The following XPR1 variants were observed in gnomAD, a reference collection of about 807,000 sequenced individuals.
XPR1 encodes solute carrier family 53 member 1.
XPR1 carries 28 observed loss-of-function variants against 87.5 expected under a neutral mutation model. The observed-to-expected ratio is 0.32, with a 90% CI of 0.24 to 0.44. XPR1 has a LOEUF of 0.44. Among genes scored for constraint, XPR1 ranks in the 20% least tolerant of loss-of-function variants. The pLI is 1.00. For synonymous variants in XPR1, 300 were observed against 306.1 expected, an observed-to-expected ratio of 0.98 and a Z score of 0.21; for missense variants, 559 against 862.3, an observed-to-expected ratio of 0.65 and a Z score of 4.41.
At chr1:180,849,625 A>T (rs1193037456) in intron 11 of XPR1, among the ~76,000 whole-genome samples, 1 of 152,236 alleles carries the variant, frequency 6.6e-6, no homozygotes, top group African/African-American at 2.4e-5. Flanking sequence ...AGTAGATTTG[A>T]ATACTACTTC....
chr1:180,825,464 T>G (rs1224860423), intron 9 of XPR1, 120 bp downstream of exon 9: 1 of 1,037,582 alleles, frequency 9.6e-7, no homozygotes, highest in East Asian at 2.7e-5. Flanking sequence ...CATTATAGTT[T>G]ATGTGAGTGG....
intron 9 of XPR1, among the ~76,000 whole-genome samples, chr1:180,827,730 T>C (rs1423854469): frequency 6.6e-6 from 1 of 152,184 alleles, no homozygotes. Flanking sequence ...TGCTGACTTA[T>C]TTTAATTTAA....
intron 4 of XPR1, among the ~76,000 whole-genome samples, chr1:180,803,972 T>C (rs1452293968): frequency 1.3e-5 from 2 of 151,912 alleles, no homozygotes; most frequent in Non-Finnish European, 2.9e-5. Flanking sequence ...GGGCTTTTCT[T>C]TTTTTTCCTT....
intron 6 of XPR1, among the ~76,000 whole-genome samples, chr1:180,811,191 CAG>C (rs1399962358): frequency 6.6e-6 from 1 of 151,892 alleles, no homozygotes; most frequent in Non-Finnish European, 1.5e-5. Flanking sequence ...TTTCATGACA[CAG>C]ATTTCTATAA....
At chr1:180,649,572 A>G (rs1655229055) in intron 1 of XPR1, among the ~76,000 whole-genome samples, 1 of 152,230 alleles carries the variant, frequency 6.6e-6, no homozygotes, top group Non-Finnish European at 1.5e-5. Flanking sequence ...TTGTTTAAAT[A>G]ATGGATATTT....
chr1:180,801,402 C>T (rs1649777085), intron 3 of XPR1, among the ~76,000 whole-genome samples: 1 of 152,064 alleles, frequency 6.6e-6, no homozygotes, highest in Non-Finnish European at 1.5e-5. Flanking sequence ...GGTTGACCCA[C>T]ATAAATGGAT....
At chr1:180,693,927 T>C (rs1571732080) in intron 2 of XPR1, among the ~76,000 whole-genome samples, 1 of 152,214 alleles carries the variant, frequency 6.6e-6, no homozygotes, top group Admixed American at 6.5e-5. Context: ...AGGAACACTT[T>C]TGTGCCTACC....
At chr1:180,827,100 GCC>G (rs1312881196) in intron 9 of XPR1, among the ~76,000 whole-genome samples, 1 of 142,904 alleles carries the variant, frequency 7.0e-6, no homozygotes, top group African/African-American at 2.7e-5. Flanking sequence ...GTTGCAGTGA[GCC>G]AAGATGGTGC....
At chr1:180,718,858 G>A (rs1014186788) in intron 2 of XPR1, among the ~76,000 whole-genome samples, 25 of 152,000 alleles carry the variant, frequency 1.6e-4, no homozygotes, top group African/African-American at 5.3e-4. Context: ...TAGTAGAGAC[G>A]AGGTTTCACC....
intron 12 of XPR1, among the ~76,000 whole-genome samples, chr1:180,864,395 T>C (rs1053582121): frequency 1.3e-5 from 2 of 152,192 alleles, no homozygotes; most frequent in African/African-American, 2.4e-5. Context: ...CACACTGTAT[T>C]ATAATAATGT....
At chr1:180,658,815 C>T (rs375935370) in intron 1 of XPR1, among the ~76,000 whole-genome samples, 47 of 151,882 alleles carry the variant, frequency 3.1e-4, no homozygotes, top group African/African-American at 8.4e-4. Flanking sequence ...GTGATCCACC[C>T]GCCTCGGCCT....
chr1:180,657,758 T>C (rs1278339575), intron 1 of XPR1, among the ~76,000 whole-genome samples: 2 of 152,214 alleles, frequency 1.3e-5, no homozygotes, highest in Non-Finnish European at 2.9e-5. Flanking sequence ...CAGGATTGCT[T>C]TGGCTATTCT....
chr1:180,682,848 G>A (rs1016094615), intron 2 of XPR1, among the ~76,000 whole-genome samples: 8 of 152,044 alleles, frequency 5.3e-5, no homozygotes, highest in African/African-American at 1.4e-4. Flanking sequence ...GTGTGTGTGT[G>A]TGTGTAAGCA....
rs766740299 is a variant in XPR1, at chr1:180,825,147, T to C, written c.955-18T>C. On this transcript the variant is annotated intron_variant, in intron 8 of 14. Coordinates refer to ENST00000367590, the MANE Select transcript of XPR1 (RefSeq NM_004736.4). The stretch of plus-strand genomic sequence containing the variant: ...AACAATTTTTCTCTATCTTTCTGTC[T>C]TCCCCATCCTTTACTAGATTGCTGG... 3.8e-6 allele frequency: 6 copies of C among 1,572,972 alleles called. No homozygotes were observed. Among genetic ancestry groups the C allele is most frequent in the African/African-American group, 1.4e-5 (1 of 72,612 alleles).
intron 9 of XPR1, among the ~76,000 whole-genome samples, chr1:180,828,256 G>A (rs546286101): frequency 6.6e-6 from 1 of 152,074 alleles, no homozygotes; most frequent in African/African-American, 2.4e-5. Flanking sequence ...ATTTATATTG[G>A]AATCTATGGA....
At chr1:180,883,922 A>G (rs1242612324) in intron 14 of XPR1, 84 bp from the exon 15 acceptor site, 1 of 1,223,268 alleles carries the variant, frequency 8.2e-7, no homozygotes. Flanking sequence ...AATGATGGTA[A>G]GACTGGAAAT....
chr1:180,843,986 G>C (rs1274269921), intron 11 of XPR1, among the ~76,000 whole-genome samples: 1 of 152,180 alleles, frequency 6.6e-6, no homozygotes, highest in Non-Finnish European at 1.5e-5. Flanking sequence ...GCTGAGGCAG[G>C]TGGATCACCA....
Position 180,758,560 on chromosome 1 carries a change from T to G in XPR1, c.122-29193T>G, listed in dbSNP as rs1035641085. The stretch of plus-strand genomic sequence containing the variant: ...CCATCTCTACTAAAAATGCAAAAAT[T>G]AGCCAGGCATGGTGGCGCATGCCTG... On this transcript the variant is annotated intron_variant, in intron 2 of 14. Coordinates refer to ENST00000367590, the MANE Select transcript of XPR1 (RefSeq NM_004736.4). Among the ~76,000 whole-genome samples the G allele has an allele frequency of 2.0e-5, 3 of 151,762 alleles. No homozygotes were observed. In the South Asian group the frequency reaches 6.2e-4, roughly 32 times the overall value.
chr1:180,649,759 G>A (rs976115794), intron 1 of XPR1, among the ~76,000 whole-genome samples: 1 of 152,112 alleles, frequency 6.6e-6, no homozygotes, highest in African/African-American at 2.4e-5. Context: ...AGTCTGGAGT[G>A]GTATCCCTGA....
Sources: allele counts gnomAD v4.1 joint callset (sites outside exome capture counted in the v4.1 genomes callset), GRCh38; gene constraint gnomAD v4.1.1; transcripts MANE v1.5; gene names NCBI Gene and HGNC (gene_info 2026-07-23, HGNC 2026-07-21).